Variants in ABR observed in about 807,000 individuals in gnomAD.
ABR encodes active breakpoint cluster region-related protein.
A neutral mutation model predicts 107.2 loss-of-function variants in ABR; 35 were observed. That is an observed-to-expected ratio of 0.33 (90% CI 0.25 to 0.43). ABR has a LOEUF of 0.43. ABR is among the 20% of genes least tolerant of loss of function. The probability of loss-of-function intolerance (pLI) is 1.00; values close to 1 mark genes in which losing one functional copy is unlikely to be tolerated. For synonymous variants in ABR, 498 were observed against 462.0 expected (o/e 1.08, Z -1.00); for missense variants, 815 against 1,115.2 (o/e 0.73, Z 3.83).
At chr17:1,073,037 G>A (rs1003972369) in intron 7 of ABR, among the ~76,000 whole-genome samples, 13 of 152,124 alleles carry the variant, frequency 8.5e-5, no homozygotes, top group African/African-American at 1.9e-4. Context: ...AAAATTAGCT[G>A]GGCGTGGTGG....
At chr17:1,109,964 G>A (rs1372976515) in intron 2 of ABR, among the ~76,000 whole-genome samples, 1 of 112,964 alleles carries the variant, frequency 8.9e-6, no homozygotes. Flanking sequence ...CCTACTCACA[G>A]GCGCTGCAGA....
rs770122891 is a variant in ABR at position 1,072,600 on chromosome 17, G to A, written c.894+14C>T. 6.3e-7 allele frequency: 1 copy of A among 1,597,280 alleles called. No homozygotes were observed. Among genetic ancestry groups the A allele is most frequent in the Non-Finnish European group, 8.5e-7 (1 of 1,172,906 alleles). ...TCAGCCTGGGTGAGGGGCCGTGCCGGGCTCTGAGCTCACCTCCCCCTTGGG... is the reference window on the plus strand; with the variant it reads ...TCAGCCTGGGTGAGGGGCCGTGCCGAGCTCTGAGCTCACCTCCCCCTTGGG... On this transcript the variant is annotated intron_variant, in intron 8 of 22. Transcript: ENST00000302538.
intron 3 of ABR, among the ~76,000 whole-genome samples, chr17:1,095,442 G>A (rs894496684): frequency 2.0e-5 from 3 of 152,204 alleles, no homozygotes; most frequent in Non-Finnish European, 2.9e-5. Context: ...GGACCCTCGA[G>A]GCCGTTATTT....
At chr17:1,091,557 G>T in intron 4 of ABR, 108 bp downstream of exon 4, 2 of 1,283,128 alleles carry the variant, frequency 1.6e-6, no homozygotes, top group Non-Finnish European at 2.2e-6. Context: ...GAGGTCTCAG[G>T]CCTTCAAGGA....
chr17:1,113,128 G>C (rs1192881555), intron 2 of ABR, among the ~76,000 whole-genome samples: 1 of 152,096 alleles, frequency 6.6e-6, no homozygotes, highest in Non-Finnish European at 1.5e-5. Context: ...TCGCGGAGCT[G>C]ACAGTCTCAG....
intron 1 of ABR, among the ~76,000 whole-genome samples, chr17:1,221,947 T>A (rs762159539): frequency 3.9e-5 from 6 of 152,176 alleles, no homozygotes; most frequent in Non-Finnish European, 7.3e-5. Flanking sequence ...GAAACTTTAT[T>A]ACCTGGAGAG....
intron 3 of ABR, among the ~76,000 whole-genome samples, chr17:1,096,689 AC>A (rs2037450459): frequency 6.7e-6 from 1 of 150,254 alleles, no homozygotes; most frequent in South Asian, 2.1e-4. Flanking sequence ...AAGGTGGGGA[AC>A]CCGCCCCGGG....
chr17:1,009,870 G>A (rs1393828482), intron 20 of ABR, 86 bp from the exon 21 acceptor site: 16 of 1,214,028 alleles, frequency 1.3e-5, no homozygotes, highest in East Asian at 2.4e-5. Context: ...GGGCCCCTGC[G>A]GGAGAGAGCC....
At chr17:1,174,977 G>T (rs11650418) in intron 1 of ABR, among the ~76,000 whole-genome samples, 41,374 of 151,806 alleles carry the variant, frequency 0.27, 6,955 homozygotes, top group Non-Finnish European at 0.39. Context: ...CCCCCATTTT[G>T]GGCTACTCCG....
intron 3 of ABR, among the ~76,000 whole-genome samples, chr17:1,098,804 A>G (rs1567752573): frequency 6.6e-6 from 1 of 152,180 alleles, no homozygotes; most frequent in African/African-American, 2.4e-5. Flanking sequence ...ACAGCTGCAC[A>G]TTCAGAGTTT....
intron 16 of ABR, among the ~76,000 whole-genome samples, chr17:1,032,155 C>T (rs533374474): frequency 1.0e-3 from 156 of 152,174 alleles, no homozygotes; most frequent in African/African-American, 3.6e-3. Flanking sequence ...AGGGGCCAAG[C>T]GGAGGGGCCG....
chr17:1,180,031 T>C (rs866833935), upstream of ABR, among the ~76,000 whole-genome samples: 1,775 of 74,130 alleles, frequency 0.024, 46 homozygotes, highest in African/African-American at 0.097. Context: ...GGGGCGGGGC[T>C]TTGGTGCGGG....
At chr17:1,173,156 CACACATCACCTCAGTCCACCCA>C (rs2041795611) in intron 1 of ABR, among the ~76,000 whole-genome samples, 4 of 119,870 alleles carry the variant, frequency 3.3e-5, no homozygotes, top group East Asian at 2.9e-4. Context: ...GTCCACCCCC[CACACATCACCTCAGTCCACCCA>C]ACACATCACC....
At chr17:1,109,137 G>GGGA in intron 2 of ABR, 2 of 1,507,566 alleles carry the variant, frequency 1.3e-6, no homozygotes, top group Non-Finnish European at 1.8e-6. Context: ...GGAGGGAGGA[G>GGGA]GGAGGAGGCG....
chr17:1,065,619 G>T (rs1338994566), intron 10 of ABR, among the ~76,000 whole-genome samples: 1 of 151,044 alleles, frequency 6.6e-6, no homozygotes, highest in African/African-American at 2.4e-5. Context: ...CAGCACTTTG[G>T]CTGCATCCAT....
Position 1,154,952 on chromosome 17 carries a change from CG to C in ABR, c.61+24714del, listed in dbSNP as rs2040982917. ...GCACAAACAGGGCCTGCTCTGGGAC[CG>C]TGCCTCCTGCCAGGACGCTGTGCCA... On this transcript the variant is annotated intron_variant, in intron 1 of 22. Coordinates refer to ENST00000302538, the MANE Select transcript of ABR (RefSeq NM_021962.5). This position sits in a 1 kb window ranked among gnomAD's most constrained non-coding sequence, Gnocchi z 4.0. 1 of 152,146 alleles carries C rather than the reference CG, an allele frequency of 6.6e-6. No homozygotes were observed. Among genetic ancestry groups the C allele is most frequent in the African/African-American group, 2.4e-5 (1 of 41,410 alleles). 9.4% of individuals were successfully genotyped at this position (152,146 alleles called of 1,614,324 possible). A position where few individuals can be genotyped will look rare whatever the true frequency, so the allele number is the denominator to read the frequency against.
rs1359908752 is a variant in ABR at position 1,005,612 on chromosome 17, C to CT, written c.*467dup. 1 of 199,536 alleles carries CT rather than the reference C, an allele frequency of 5.0e-6. No homozygotes were observed. 12.4% of individuals were successfully genotyped at this position (199,536 alleles called of 1,614,324 possible). A position where few individuals can be genotyped will look rare whatever the true frequency, so the allele number is the denominator to read the frequency against. On this transcript the variant is annotated 3_prime_UTR_variant, in exon 23 of 23. Coordinates refer to ENST00000302538, the MANE Select transcript of ABR (RefSeq NM_021962.5). The stretch of plus-strand genomic sequence containing the variant: ...GGAAGGAAGAGCGGGTGGAGGAAGA[C>CT]TGAGGGGAGGCTGCCAGGAGACCGC...
intron 1 of ABR, among the ~76,000 whole-genome samples, chr17:1,139,817 T>C (rs2255157): frequency 0.52 from 79,224 of 151,934 alleles, 20,930 homozygotes; most frequent in East Asian, 0.61. Context: ...ACACGAAGTG[T>C]GTGGGCTGCC....
exon 1 of ABR, chr17:1,187,228 C>G (rs1163199510): frequency 6.6e-6 from 1 of 152,408 alleles, no homozygotes; most frequent in African/African-American, 2.4e-5. Context: ...CGCCTGCCAT[C>G]AGTGGAGCCT....
Sources: gnomAD v4.1 joint callset for allele counts (sites outside exome capture counted in the v4.1 genomes callset) on GRCh38, gnomAD v4.1.1 for gene constraint, Gnocchi (gnomAD v3.1) non-coding constraint, MANE v1.5 for transcripts, NCBI Gene and HGNC (gene_info 2026-07-23, HGNC 2026-07-21) for gene names.